E2F3: variants seen among roughly 807,000 people sequenced by gnomAD.
The protein encoded by E2F3 is E2F transcription factor 3, also known as transcription factor E2F3.
E2F3 carries 11 observed loss-of-function variants against 44.4 expected under a neutral mutation model. The ratio of observed to expected loss-of-function variants is 0.25; its 90% CI spans 0.16 to 0.41. The LOEUF is 0.41. E2F3 is among the 10% of genes least tolerant of loss of function. E2F3 has a pLI of 1.00. For synonymous variants in E2F3, 249 were observed against 253.0 expected (o/e 0.98, Z 0.15); for missense variants, 487 against 583.6 (o/e 0.83, Z 1.70).
intron 6 of E2F3, 67 bp downstream of exon 6, chr6:20,488,315 T>C (rs1403355024): frequency 1.0e-5 from 15 of 1,506,538 alleles, no homozygotes; most frequent in African/African-American, 1.4e-5. Flanking sequence ...CCATCTGTAT[T>C]GGAACCACAA....
intron 1 of E2F3, among the ~76,000 whole-genome samples, chr6:20,420,438 G>GGT (rs35566563): frequency 0.026 from 3,881 of 148,934 alleles, 84 homozygotes; most frequent in Admixed American, 0.062. Flanking sequence ...GGCTTTCTCT[G>GGT]GTGTGTGTGT....
chr6:20,490,237 C>A lies in E2F3; in HGVS notation c.1205C>A (p.Ser402Tyr). ...ATGGGAAACCTTTCTCCTCTGGCCTCCCCAGCCAACCTCTTACAGCAGACT... is the reference window on the plus strand; with the variant it reads ...ATGGGAAACCTTTCTCCTCTGGCCTACCCAGCCAACCTCTTACAGCAGACT... ...VSMGNLSPLA[S>Y]PANLLQQTED... is the part of the protein sequence containing the mutation. The change falls in exon 7 of 7, where the codon TCC becomes TAC. Residue 402 changes from serine to tyrosine, a missense_variant. Ser to Tyr is a moderately radical substitution (Grantham distance 144). Transcript: ENST00000346618. This position sits in a 1 kb window ranked among gnomAD's most constrained non-coding sequence, Gnocchi z 4.3. 2 of 1,614,126 alleles carry A rather than the reference C, an allele frequency of 1.2e-6. No homozygotes were observed. Among genetic ancestry groups the A allele is most frequent in the Non-Finnish European group, 1.7e-6 (2 of 1,179,998 alleles).
intron 1 of E2F3, among the ~76,000 whole-genome samples, chr6:20,463,391 C>G (rs1051957370): frequency 2.6e-5 from 4 of 152,140 alleles, no homozygotes; most frequent in Non-Finnish European, 5.9e-5. Flanking sequence ...TCTGTAAAAA[C>G]AAAGAGAGAG....
chr6:20,486,561 C>A (rs1040096926), intron 4 of E2F3, 128 bp from the exon 5 acceptor site: 28 of 545,856 alleles, frequency 5.1e-5, no homozygotes, highest in Non-Finnish European at 1.9e-5. Flanking sequence ...TGTGAGCCAC[C>A]GCGCCCGGCC....
chr6:20,438,625 A>G (rs1249100720), intron 1 of E2F3, among the ~76,000 whole-genome samples: 1 of 152,222 alleles, frequency 6.6e-6, no homozygotes, highest in Non-Finnish European at 1.5e-5. Flanking sequence ...CACTGAGGAC[A>G]GTACAATCAC....
chr6:20,453,444 T>C (rs1761200573), intron 1 of E2F3, among the ~76,000 whole-genome samples: 1 of 152,112 alleles, frequency 6.6e-6, no homozygotes, highest in Admixed American at 6.5e-5. Context: ...AAATAGGCTC[T>C]CACTCTGTTG....
At chr6:20,414,454 C>T (rs1243635825) in intron 1 of E2F3, among the ~76,000 whole-genome samples, 4 of 151,914 alleles carry the variant, frequency 2.6e-5, no homozygotes, top group East Asian at 3.9e-4. Flanking sequence ...TGATTTCCTA[C>T]ACTCTCTGAT....
intron 1 of E2F3, among the ~76,000 whole-genome samples, chr6:20,410,055 T>G (rs1255542775): frequency 6.6e-6 from 1 of 152,182 alleles, no homozygotes; most frequent in Non-Finnish European, 1.5e-5. Context: ...TGCTCTAGTT[T>G]TTATGATCCT....
intron 1 of E2F3, among the ~76,000 whole-genome samples, chr6:20,423,686 G>A (rs1305792428): frequency 6.6e-6 from 1 of 152,052 alleles, no homozygotes; most frequent in Non-Finnish European, 1.5e-5. Context: ...GGCCAGGCTG[G>A]TCTCGAACTC....
At position 20,454,826 on chromosome 6, in the gene E2F3, C is replaced by A. The variant is rs1340572439; in HGVS notation, c.394-25020C>A. ...GGCAGGTTAAGGCAGAGTTCCCATA[C>A]CTCTGAGCCTAATTGCCAGCCAGGG... On this transcript the variant is annotated intron_variant, in intron 1 of 6. Coordinates refer to ENST00000346618, the MANE Select transcript of E2F3 (RefSeq NM_001949.5). Among the ~76,000 whole-genome samples, 3 of 152,166 alleles carry A rather than the reference C, an allele frequency of 2.0e-5. No homozygotes were observed. In the East Asian group the frequency reaches 5.8e-4, roughly 29 times the overall value.
Position 20,402,991 on chromosome 6 carries a change from T to G in E2F3, c.393+366T>G, listed in dbSNP as rs1252844269. On this transcript the variant is annotated intron_variant, in intron 1 of 6. Transcript: ENST00000346618. This position sits in a 1 kb window ranked among gnomAD's most constrained non-coding sequence, Gnocchi z 5.6. ...GCGTAGGAAGGGGTCACGCCCCGGA[T>G]GGAGAAGGGGGTGGGGGAGGGAGTA... Among the ~76,000 whole-genome samples the G allele has an allele frequency of 6.7e-6, 1 of 150,066 alleles. No homozygotes were observed.
intron 1 of E2F3, among the ~76,000 whole-genome samples, chr6:20,476,239 C>T (rs1464888486): frequency 2.6e-5 from 4 of 152,042 alleles, no homozygotes; most frequent in Non-Finnish European, 5.9e-5. Context: ...GGCGTGGTGG[C>T]GGACGCCTGT....
intron 1 of E2F3, among the ~76,000 whole-genome samples, chr6:20,425,697 C>G (rs1760194394): frequency 6.6e-6 from 1 of 152,152 alleles, no homozygotes; most frequent in South Asian, 2.1e-4. Flanking sequence ...TGCGCCCGGC[C>G]CCTTCTACCT....
chr6:20,410,699 A>AGATTCT (rs2127585319), intron 1 of E2F3, among the ~76,000 whole-genome samples: 1 of 151,386 alleles, frequency 6.6e-6, no homozygotes, highest in Non-Finnish European at 1.5e-5. Context: ...GCTCACCGCA[A>AGATTCT]CCTCTGCCTC....
intron 4 of E2F3, among the ~76,000 whole-genome samples, chr6:20,484,827 C>A (rs113778856): frequency 3.3e-5 from 5 of 152,216 alleles, no homozygotes; most frequent in African/African-American, 1.2e-4. Context: ...GTGGCTCATG[C>A]CTGTAATCCC....
chr6:20,444,832 G>C (rs1287273169), intron 1 of E2F3, among the ~76,000 whole-genome samples: 1 of 152,240 alleles, frequency 6.6e-6, no homozygotes. Flanking sequence ...AAGGTCTTGG[G>C]AAGTCCCCCT....
At chr6:20,453,025 C>G (rs1330538181) in intron 1 of E2F3, among the ~76,000 whole-genome samples, 1 of 151,944 alleles carries the variant, frequency 6.6e-6, no homozygotes, top group African/African-American at 2.4e-5. Context: ...GTTTGTTTTG[C>G]AAACTGTACT....
intron 1 of E2F3, among the ~76,000 whole-genome samples, chr6:20,462,198 G>A (rs1581630100): frequency 6.6e-6 from 1 of 152,170 alleles, no homozygotes; most frequent in Non-Finnish European, 1.5e-5. Context: ...CAGATAGCAC[G>A]TGTGATTTGT....
chr6:20,430,419 C>T (rs1308591297), intron 1 of E2F3, among the ~76,000 whole-genome samples: 1 of 152,054 alleles, frequency 6.6e-6, no homozygotes, highest in Non-Finnish European at 1.5e-5. Context: ...TTTTACTTTA[C>T]AAAGTATTAA....
Sources: gnomAD v4.1 joint callset for allele counts (sites outside exome capture counted in the v4.1 genomes callset) on GRCh38, gnomAD v4.1.1 for gene constraint, Gnocchi (gnomAD v3.1) non-coding constraint, MANE v1.5 for transcripts, NCBI Gene and HGNC (gene_info 2026-07-23, HGNC 2026-07-21) for gene names.